DMD: variants seen among roughly 807,000 people sequenced by gnomAD.
The protein encoded by DMD is dystrophin.
In DMD, 63 loss-of-function variants were observed where a neutral mutation model predicts 330.1. The ratio of observed to expected loss-of-function variants is 0.19; its 90% CI spans 0.16 to 0.24. DMD has a LOEUF of 0.24. Ranked by LOEUF, DMD falls within the 10% of genes least tolerant of loss-of-function variation. The pLI, the probability that DMD is intolerant of heterozygous loss-of-function variation, is 1.00. For synonymous variants in DMD, 1,223 were observed against 959.8 expected (o/e 1.27, Z -5.07); for missense variants, 3,344 against 2,684.1 (o/e 1.25, Z -5.43).
At chrX:31,844,311 T>TG (rs1317798315) in intron 48 of DMD, among the ~76,000 whole-genome samples, 8 of 109,095 alleles carry the variant, frequency 7.3e-5, no homozygotes, top group African/African-American at 2.3e-4. Flanking sequence ...TTTTTTTTTT[T>TG]TTGTTTACTT....
At chrX:33,121,418 A>G (rs2095424332) in intron 1 of DMD, among the ~76,000 whole-genome samples, 1 of 110,603 alleles carries the variant, frequency 9.0e-6, no homozygotes, top group Non-Finnish European at 1.9e-5. Flanking sequence ...TTTTTGGTAG[A>G]GACGGGGTTT....
At chrX:32,602,012 T>C (rs919642909) in intron 12 of DMD, among the ~76,000 whole-genome samples, 3 of 112,032 alleles carry the variant, frequency 2.7e-5, no homozygotes, top group Non-Finnish European at 5.7e-5. Flanking sequence ...TCCTTTCTAA[T>C]AGACATCATA....
intron 56 of DMD, among the ~76,000 whole-genome samples, chrX:31,501,233 C>T (rs912021504): frequency 8.9e-6 from 1 of 112,335 alleles, no homozygotes; most frequent in African/African-American, 3.2e-5. Context: ...TGCCTGCCCA[C>T]CTTGCTGGGT....
intron 18 of DMD, among the ~76,000 whole-genome samples, chrX:32,513,149 G>A (rs901280517): frequency 9.1e-6 from 1 of 110,410 alleles, no homozygotes; most frequent in African/African-American, 3.4e-5. Context: ...GTATGATGCT[G>A]GCATCCCTAG....
intron 63 of DMD, among the ~76,000 whole-genome samples, chrX:31,250,910 C>T (rs774741852): frequency 2.7e-5 from 3 of 110,166 alleles, no homozygotes; most frequent in Admixed American, 1.9e-4. Context: ...GGTGAAACCC[C>T]GTCTCTACTA....
At chrX:32,725,699 AG>A (rs2066796110) in intron 7 of DMD, among the ~76,000 whole-genome samples, 1 of 111,246 alleles carries the variant, frequency 9.0e-6, no homozygotes, top group South Asian at 3.7e-4. Flanking sequence ...GTAGGGTACT[AG>A]GGGGTGGAGG....
chrX:32,314,781 G>GA (rs1393456564), intron 41 of DMD, among the ~76,000 whole-genome samples: 3 of 111,448 alleles, frequency 2.7e-5, no homozygotes, highest in African/African-American at 9.8e-5. Flanking sequence ...ACAAACATAA[G>GA]AAAAAAACCT....
chrX:32,713,347 G>C (rs747693507), intron 7 of DMD, among the ~76,000 whole-genome samples: 39 of 111,477 alleles, frequency 3.5e-4, no homozygotes, highest in Middle Eastern at 4.6e-3. Flanking sequence ...TAGCTGGCTA[G>C]ATTCCAGTTG....
At chrX:31,218,363 TGGGGCAGGGGCA>T (rs199744735) in intron 64 of DMD, among the ~76,000 whole-genome samples, 1 of 109,893 alleles carries the variant, frequency 9.1e-6, no homozygotes, top group African/African-American at 3.3e-5. Flanking sequence ...AGCTCTGGGA[TGGGGCAGGGGCA>T]GGGGCAGGGG....
chrX:31,266,749 C>A (rs2051169497), intron 62 of DMD: 7 of 1,109,368 alleles, frequency 6.3e-6, no homozygotes, highest in Non-Finnish European at 7.4e-6. Context: ...TTGCCCCCTG[C>A]TCGCGCCACA....
In DMD at chrX:31,172,368, G is replaced by A. The variant is rs775168795; in HGVS notation, c.10374C>T (p.Ser3458=). ...ENSNGSYLND[S]ISPNESIDDE... is the part of the protein sequence containing the mutation. Reference sequence around the variant, plus strand: ...CTTACATGCTCTCATTAGGAGAGATGCTATCATTTAGATAAGATCCATTGC... The same window carrying A: ...CTTACATGCTCTCATTAGGAGAGATACTATCATTTAGATAAGATCCATTGC... Residue 3458 remains serine (S), a synonymous_variant, in exon 73 of 79, where the codon AGC becomes AGT. Coordinates refer to ENST00000357033, the MANE Select transcript of DMD (RefSeq NM_004006.3). 8.4e-7 allele frequency: 1 copy of A among 1,195,702 alleles called. No individual in the cohort carries two copies. Among genetic ancestry groups the A allele is most frequent in the Non-Finnish European group, 1.1e-6 (1 of 881,372 alleles).
intron 1 of DMD, among the ~76,000 whole-genome samples, chrX:33,270,659 T>C (rs2053138550): frequency 8.9e-6 from 1 of 111,854 alleles, no homozygotes; most frequent in Admixed American, 9.6e-5. Context: ...CGTCCTCAAC[T>C]AGGAAATGTT....
intron 62 of DMD, among the ~76,000 whole-genome samples, chrX:31,309,810 C>A (rs928045455): frequency 7.2e-5 from 8 of 111,870 alleles, no homozygotes; most frequent in Non-Finnish European, 1.1e-4. Flanking sequence ...GAAAGGAAAT[C>A]ATTTCAGTCT....
intron 9 of DMD, among the ~76,000 whole-genome samples, chrX:32,670,910 G>A (rs952119684): frequency 9.0e-6 from 1 of 110,916 alleles, no homozygotes; most frequent in Admixed American, 9.6e-5. Flanking sequence ...TGACAAATGT[G>A]TACTTCTAAA....
intron 45 of DMD, among the ~76,000 whole-genome samples, chrX:31,937,651 T>C (rs1434061359): frequency 1.8e-5 from 2 of 112,135 alleles, no homozygotes; most frequent in East Asian, 5.6e-4. Context: ...AATTTATGTA[T>C]TCAGATGATT....
intron 59 of DMD, among the ~76,000 whole-genome samples, chrX:31,471,953 T>A (rs1034196587): frequency 1.8e-5 from 2 of 112,337 alleles, no homozygotes; most frequent in African/African-American, 6.5e-5. Flanking sequence ...GTAAACTAGA[T>A]AAAACCCTGG....
chrX:31,797,700 G>A (rs959509723), intron 50 of DMD, among the ~76,000 whole-genome samples: 3 of 111,948 alleles, frequency 2.7e-5, no homozygotes, highest in African/African-American at 9.7e-5. Flanking sequence ...ACATGTGACA[G>A]GCAAATAAAC....
intron 45 of DMD, among the ~76,000 whole-genome samples, chrX:31,941,249 G>T (rs1354734020): frequency 9.0e-6 from 1 of 111,621 alleles, no homozygotes; most frequent in Non-Finnish European, 1.9e-5. Flanking sequence ...AATTAAGAGG[G>T]TATGACTTCA....
intron 29 of DMD, among the ~76,000 whole-genome samples, chrX:32,427,393 A>G (rs996875987): frequency 9.0e-6 from 1 of 111,118 alleles, no homozygotes; most frequent in Non-Finnish European, 1.9e-5. Context: ...GCCAGAGATA[A>G]TATTTTGGGA....
Sources: allele counts gnomAD v4.1 joint callset (sites outside exome capture counted in the v4.1 genomes callset), GRCh38; gene constraint gnomAD v4.1.1; transcripts MANE v1.5; gene names NCBI Gene and HGNC (gene_info 2026-07-23, HGNC 2026-07-21).